The following SBK1 variants were observed in gnomAD, a reference collection of about 807,000 sequenced individuals.
SBK1 encodes serine/threonine-protein kinase SBK1.
Under a neutral mutation model 24.4 loss-of-function variants are expected in SBK1, and 11 were observed. The ratio of observed to expected loss-of-function variants is 0.45; its 90% CI spans 0.28 to 0.75. The LOEUF is 0.75. SBK1 is among the 30% of genes least tolerant of loss of function. The pLI, the probability that SBK1 is intolerant of heterozygous loss-of-function variation, is 0.12. For missense variants in SBK1, 467 were observed against 620.5 expected, an observed-to-expected ratio of 0.75 and a Z score of 2.63; for synonymous variants, 308 against 284.4, an observed-to-expected ratio of 1.08 and a Z score of -0.83.
At position 28,321,524 on chromosome 16, in the gene SBK1, G is replaced by C. The variant is rs921891743; in HGVS notation, c.*603G>C. 6.5e-6 allele frequency: 1 copy of C among 153,062 alleles called. No individual in the cohort carries two copies. Among genetic ancestry groups the C allele is most frequent in the African/African-American group, 2.4e-5 (1 of 41,432 alleles). The allele number at this position is 153,062 out of a possible 1,614,324, so 9.5% of individuals were successfully genotyped here. A position where few individuals can be genotyped will look rare whatever the true frequency, so the allele number is the denominator to read the frequency against. Reference sequence around the variant, plus strand: ...TGCCCTCCCTTCTGGAGGCTGGAGGGGAGAGGCCAAGCCCTTGGAAAATGT... The same window carrying C: ...TGCCCTCCCTTCTGGAGGCTGGAGGCGAGAGGCCAAGCCCTTGGAAAATGT... On this transcript the variant is annotated 3_prime_UTR_variant, in exon 4 of 4. Coordinates refer to ENST00000341901, the MANE Select transcript of SBK1 (RefSeq NM_001024401.3).
chr16:28,320,611 G>A lies in SBK1; in HGVS notation c.965G>A (p.Arg322His), dbSNP rs757766391. 122 of 1,406,518 alleles carry A rather than the reference G, an allele frequency of 8.7e-5. 1 individual carries two copies. Among genetic ancestry groups the A allele is most frequent in the Non-Finnish European group, 1.1e-4 (118 of 1,082,332 alleles). The allele number at this position is 1,406,518 out of a possible 1,614,324, so 87.1% of individuals were successfully genotyped here. ...FLKHELTSELRRRPSHRARKP... is the reference protein window; with the variant it reads ...FLKHELTSELHRRPSHRARKP... ...AAGCACGAGCTCACGTCCGAGCTGC[G>A]CCGCCGGCCCTCGCACCGCGCGCGC... Residue 322 changes from arginine (R) to histidine (H), a missense_variant, in exon 4 of 4, where the codon CGC becomes CAC. By Grantham distance (29) the Arg-to-His change is conservative. This residue lies in a region of SBK1 where 86 missense variants were observed against 121.7 expected (regional missense o/e 0.71). Transcript: ENST00000341901. This position sits in a 1 kb window ranked among gnomAD's most constrained non-coding sequence, Gnocchi z 8.5.
intron 1 of SBK1, among the ~76,000 whole-genome samples, chr16:28,299,962 C>T (rs989613556): frequency 3.3e-5 from 5 of 152,228 alleles, no homozygotes; most frequent in African/African-American, 4.8e-5. Context: ...CAGGAGAGCC[C>T]GCCCACCACA....
chr16:28,266,167 G>T (rs569618087), intron 1 of SBK1, among the ~76,000 whole-genome samples: 1 of 152,114 alleles, frequency 6.6e-6, no homozygotes, highest in African/African-American at 2.4e-5. Flanking sequence ...GAGCCCAAGA[G>T]TTCAAGACCA....
In SBK1 at chr16:28,293,316, G is replaced by A; in HGVS notation, c.-8+16G>A. The stretch of plus-strand genomic sequence containing the variant: ...CCCAGCCCAGGTAAGCCGGGCCCAG[G>A]TGAGGGGCGGCAGGTGAGTGGCCAC... On this transcript the variant is annotated intron_variant, in intron 1 of 3. Coordinates refer to ENST00000341901, the MANE Select transcript of SBK1 (RefSeq NM_001024401.3). 1.0e-6 allele frequency: 1 copy of A among 983,942 alleles called. No individual in the cohort carries two copies. The highest frequency in any genetic ancestry group is 1.2e-6 in the Non-Finnish European group (1 of 828,536). 61.0% of individuals were successfully genotyped at this position (983,942 alleles called of 1,614,324 possible). A position where few individuals can be genotyped will look rare whatever the true frequency, so the allele number is the denominator to read the frequency against.
chr16:28,263,031 G>A lies in SBK1; in HGVS notation c.257+3529G>A, dbSNP rs530894458. On this transcript the variant is annotated intron_variant, in intron 1 of 3. Coordinates refer to the SBK1 transcript ENST00000671413. The stretch of plus-strand genomic sequence containing the variant: ...GAACAAGAGTGGAAACCACACATGA[G>A]GTTTTTATGAACCAAAGCTGGAAAT... Among the ~76,000 whole-genome samples the A allele has an allele frequency of 7.9e-5, 12 of 152,256 alleles. 1 individual carries two copies. In the South Asian group the frequency reaches 2.3e-3, roughly 29 times the overall value.
chr16:28,302,951 G>C (rs1300786180), intron 1 of SBK1, among the ~76,000 whole-genome samples: 1 of 136,558 alleles, frequency 7.3e-6, no homozygotes, highest in African/African-American at 2.7e-5. Flanking sequence ...GGAAAAAATA[G>C]AGCAGGGCAT....
In SBK1 at chr16:28,259,694, C is replaced by G. The variant is rs1195430001; in HGVS notation, c.257+192C>G. Among the ~76,000 whole-genome samples, 2 of 152,198 alleles carry G rather than the reference C, an allele frequency of 1.3e-5. No homozygotes were observed. Among genetic ancestry groups the G allele is most frequent in the African/African-American group, 4.8e-5 (2 of 41,452 alleles). ...GCCACAGCCTCCTTCCTATCTCCCCCACCCTAGCCCCAGAGTGGCTTTCAC... is the reference window on the plus strand; with the variant it reads ...GCCACAGCCTCCTTCCTATCTCCCCGACCCTAGCCCCAGAGTGGCTTTCAC... On this transcript the variant is annotated intron_variant, in intron 1 of 3. Transcript: ENST00000671413. The surrounding 1 kb of genome is among the most constrained non-coding windows in gnomAD (Gnocchi z 6.0).
chr16:28,316,030 G>T (rs1020300946), intron 1 of SBK1, among the ~76,000 whole-genome samples: 6 of 152,144 alleles, frequency 3.9e-5, no homozygotes, highest in African/African-American at 1.4e-4. Context: ...CTCCCAAAGT[G>T]CTGGGATTAC....
At chr16:28,280,349 A>T (rs747094554) in intron 1 of SBK1, among the ~76,000 whole-genome samples, 13 of 142,712 alleles carry the variant, frequency 9.1e-5, no homozygotes, top group East Asian at 4.0e-4. Context: ...TATATATATA[A>T]AATATATATA....
intron 1 of SBK1, among the ~76,000 whole-genome samples, chr16:28,302,554 C>T (rs2044686298): frequency 6.6e-6 from 1 of 152,166 alleles, no homozygotes; most frequent in South Asian, 2.1e-4. Flanking sequence ...TCCTCTGGCC[C>T]TTCTCTGGGG....
At chr16:28,271,762 A>G (rs562526551) in intron 1 of SBK1, among the ~76,000 whole-genome samples, 1 of 152,364 alleles carries the variant, frequency 6.6e-6, no homozygotes, top group South Asian at 2.1e-4. Flanking sequence ...ATATATAAAC[A>G]TGTAGGTAAA....
chr16:28,262,025 G>C (rs1174462074), intron 1 of SBK1, among the ~76,000 whole-genome samples: 1 of 152,190 alleles, frequency 6.6e-6, no homozygotes, highest in African/African-American at 2.4e-5. Context: ...GGCCAGGCTG[G>C]GCAGAGACAG....
chr16:28,307,757 GAAGA>G (rs1333869842), intron 1 of SBK1, among the ~76,000 whole-genome samples: 532 of 145,004 alleles, frequency 3.7e-3, no homozygotes, highest in African/African-American at 0.011. Flanking sequence ...AAAAAAAAAA[GAAGA>G]AAGAAAGAAA....
At position 28,322,650 on chromosome 16, in the gene SBK1, A is replaced by T. The variant is rs2044859728; in HGVS notation, c.*1729A>T. 6.5e-6 allele frequency: 1 copy of T among 152,698 alleles called. No individual in the cohort carries two copies. The highest frequency in any genetic ancestry group is 1.5e-5 in the Non-Finnish European group (1 of 68,252). The allele number at this position is 152,698 out of a possible 1,614,324, so 9.5% of individuals were successfully genotyped here. ...TGGCCCCACTCTCCCTGCTGTGCCC[A>T]CTCCTCTCCAGACTCCACCTCCCCA... is the stretch of plus-strand genomic sequence containing the variant. On this transcript the variant is annotated 3_prime_UTR_variant, in exon 4 of 4. Transcript: ENST00000341901.
chr16:28,304,873 G>T (rs771740468), intron 1 of SBK1, among the ~76,000 whole-genome samples: 4 of 152,064 alleles, frequency 2.6e-5, no homozygotes, highest in Non-Finnish European at 5.9e-5. Flanking sequence ...CTCCCAAAGT[G>T]CTGGGATTAC....
Position 28,292,552 on chromosome 16 carries a change from G to T in SBK1, c.-756G>T. ...TGCCGCGATGGAGCGCAGCCCGGGCGGGCGCCGGGGCCGGGGCCCGAGCGC... is the reference window on the plus strand; with the variant it reads ...TGCCGCGATGGAGCGCAGCCCGGGCTGGCGCCGGGGCCGGGGCCCGAGCGC... On this transcript the variant is annotated 5_prime_UTR_variant, in exon 1 of 4. Transcript: ENST00000341901. 1.0e-6 allele frequency: 1 copy of T among 979,414 alleles called. No individual in the cohort carries two copies. Among genetic ancestry groups the T allele is most frequent in the South Asian group, 4.6e-5 (1 of 21,516 alleles). 60.7% of individuals were successfully genotyped at this position (979,414 alleles called of 1,614,324 possible). A position where few individuals can be genotyped will look rare whatever the true frequency, so the allele number is the denominator to read the frequency against.
intron 1 of SBK1, chr16:28,286,772 G>A (rs998545440): frequency 6.6e-6 from 1 of 152,226 alleles, no homozygotes; most frequent in Non-Finnish European, 1.5e-5. Flanking sequence ...AGGACATGCT[G>A]GGGAAATCCC....
intron 1 of SBK1, among the ~76,000 whole-genome samples, chr16:28,281,758 A>G (rs1788538977): frequency 6.6e-6 from 1 of 152,156 alleles, no homozygotes; most frequent in Admixed American, 6.5e-5. Flanking sequence ...TCAGCCTGGC[A>G]CAAATCTGTG....
At chr16:28,280,149 A>ATATATATATATATGTGTGTGTGTGTG in intron 1 of SBK1, among the ~76,000 whole-genome samples, 1 of 39,418 alleles carries the variant, frequency 2.5e-5, no homozygotes, top group South Asian at 8.4e-4. Flanking sequence ...ATATATATAT[A>ATATATATATATATGTGTGTGTGTGTG]TGTGTGTGTG....
Sources: allele counts gnomAD v4.1 joint callset (sites outside exome capture counted in the v4.1 genomes callset), GRCh38; gene constraint gnomAD v4.1.1; regional missense constraint gnomAD v4.1.1; non-coding constraint Gnocchi (gnomAD v3.1); transcripts MANE v1.5; gene names NCBI Gene and HGNC (gene_info 2026-07-23, HGNC 2026-07-21).